Variants in CAMKMT observed in about 807,000 individuals in gnomAD.
CAMKMT encodes the protein calmodulin-lysine N-methyltransferase.
CAMKMT carries 53 observed loss-of-function variants against 48.0 expected under a neutral mutation model. That is an observed-to-expected ratio of 1.10 (90% CI 0.89 to 1.39). CAMKMT has a LOEUF of 1.39. Among genes scored for constraint, CAMKMT ranks in the 40% most tolerant of loss-of-function variants. The probability of loss-of-function intolerance (pLI) is 0.00; values close to 1 mark genes in which losing one functional copy is unlikely to be tolerated. For missense variants in CAMKMT, 428 were observed against 402.7 expected, an observed-to-expected ratio of 1.06 and a Z score of -0.54; for synonymous variants, 165 against 152.3, an observed-to-expected ratio of 1.08 and a Z score of -0.61.
chr2:44,692,245 C>G (rs917972258), intron 3 of CAMKMT, among the ~76,000 whole-genome samples: 2 of 151,520 alleles, frequency 1.3e-5, no homozygotes, highest in African/African-American at 4.9e-5. Flanking sequence ...AGCATCATTT[C>G]TGTTTTTAAT....
intron 3 of CAMKMT, among the ~76,000 whole-genome samples, chr2:44,500,784 C>T (rs1011946273): frequency 4.0e-5 from 6 of 150,898 alleles, no homozygotes; most frequent in African/African-American, 1.5e-4. Flanking sequence ...TGGATTCAAA[C>T]GATTCTCCTG....
At chr2:44,406,279 CT>C (rs535828943) in intron 3 of CAMKMT, among the ~76,000 whole-genome samples, 22 of 147,610 alleles carry the variant, frequency 1.5e-4, no homozygotes, top group South Asian at 2.1e-4. Flanking sequence ...TGCCTTAAGT[CT>C]TTTTTTTTTA....
intron 3 of CAMKMT, among the ~76,000 whole-genome samples, chr2:44,504,563 T>A (rs1235796395): frequency 6.6e-6 from 1 of 152,206 alleles, no homozygotes; most frequent in African/African-American, 2.4e-5. Context: ...TTCAATTTCC[T>A]ATGCCTCTTA....
chr2:44,572,471 A>G (rs1558712229), intron 3 of CAMKMT, among the ~76,000 whole-genome samples: 1 of 152,152 alleles, frequency 6.6e-6, no homozygotes, highest in African/African-American at 2.4e-5. Context: ...TTCCTTTTTG[A>G]GGCTGAATAT....
intron 3 of CAMKMT, among the ~76,000 whole-genome samples, chr2:44,569,693 T>C (rs1437353331): frequency 6.6e-6 from 1 of 152,218 alleles, no homozygotes; most frequent in East Asian, 1.9e-4. Flanking sequence ...CAAGGGAAGC[T>C]TGGGCCCTAG....
At chr2:44,526,767 G>A (rs1246882604) in intron 3 of CAMKMT, among the ~76,000 whole-genome samples, 1 of 151,962 alleles carries the variant, frequency 6.6e-6, no homozygotes, top group Non-Finnish European at 1.5e-5. Context: ...GGGTTCCCAG[G>A]CACACCCCAA....
chr2:44,736,408 A>C (rs1679358095), intron 7 of CAMKMT, among the ~76,000 whole-genome samples: 1 of 152,148 alleles, frequency 6.6e-6, no homozygotes, highest in Non-Finnish European at 1.5e-5. Context: ...TTGTTTTTAT[A>C]TAAAACATCT....
intron 3 of CAMKMT, among the ~76,000 whole-genome samples, chr2:44,540,101 A>G (rs1404403118): frequency 1.3e-5 from 2 of 151,932 alleles, no homozygotes; most frequent in African/African-American, 4.8e-5. Context: ...ACATTCATTA[A>G]TTGGCATTCT....
chr2:44,555,720 T>C (rs572824131), intron 3 of CAMKMT, among the ~76,000 whole-genome samples: 1 of 152,250 alleles, frequency 6.6e-6, no homozygotes, highest in African/African-American at 2.4e-5. Flanking sequence ...ACTGGGTATA[T>C]AGACTGAAAC....
chr2:44,420,069 A>G (rs1683830139), intron 3 of CAMKMT, among the ~76,000 whole-genome samples: 1 of 152,192 alleles, frequency 6.6e-6, no homozygotes, highest in Non-Finnish European at 1.5e-5. Flanking sequence ...AGAGGAAATT[A>G]CACAATTATT....
chr2:44,468,764 C>G (rs1365554143), intron 3 of CAMKMT, among the ~76,000 whole-genome samples: 2 of 151,990 alleles, frequency 1.3e-5, no homozygotes, highest in African/African-American at 4.8e-5. Flanking sequence ...ACAAAAATTA[C>G]AAAAATTATT....
chr2:44,581,072 G>T (rs17032381), intron 3 of CAMKMT, among the ~76,000 whole-genome samples: 4,224 of 152,072 alleles, frequency 0.028, 186 homozygotes, highest in African/African-American at 0.096. Context: ...GCTTGCTGTG[G>T]TTGTGGTTGA....
chr2:44,464,882 CAT>C (rs1417339574), intron 3 of CAMKMT, among the ~76,000 whole-genome samples: 3 of 152,030 alleles, frequency 2.0e-5, no homozygotes, highest in Admixed American at 6.5e-5. Context: ...AACACAAAAA[CAT>C]ATGAAAATGT....
chr2:44,459,303 A>G (rs530737189), intron 3 of CAMKMT, among the ~76,000 whole-genome samples: 3 of 152,300 alleles, frequency 2.0e-5, no homozygotes, highest in African/African-American at 7.2e-5. Flanking sequence ...GTATACCTCA[A>G]ATGCCTGATT....
At chr2:44,492,974 A>G (rs1191017017) in intron 3 of CAMKMT, among the ~76,000 whole-genome samples, 1 of 150,920 alleles carries the variant, frequency 6.6e-6, no homozygotes, top group Non-Finnish European at 1.5e-5. Context: ...GCTCACTGCA[A>G]CCTCCACCTC....
intron 3 of CAMKMT, among the ~76,000 whole-genome samples, chr2:44,489,972 C>G (rs1300747834): frequency 1.3e-5 from 2 of 151,896 alleles, no homozygotes; most frequent in East Asian, 3.9e-4. Flanking sequence ...CTTGCTGAAT[C>G]TAATGTATAT....
chr2:44,587,885 C>T (rs1290575446), intron 3 of CAMKMT, among the ~76,000 whole-genome samples: 2 of 121,466 alleles, frequency 1.6e-5, no homozygotes, highest in African/African-American at 6.1e-5. Context: ...ATTGCAGCCT[C>T]TGCCCGGCCG....
rs1212949278 is a variant in CAMKMT at position 44,417,491 on chromosome 2, G to C, written c.376+27186G>C. Among the ~76,000 whole-genome samples the C allele has an allele frequency of 2.6e-5, 4 of 152,222 alleles. 1 individual carries two copies. The highest frequency in any genetic ancestry group is 2.0e-4 in the Admixed American group (3 of 15,278). On this transcript the variant is annotated intron_variant, in intron 3 of 10. Transcript: ENST00000378494. ...TTCAGGTTGTTTCCGGTTTTGGGCT[G>C]TTTTGCATAAAACTAGTGTGAACAT...
At chr2:44,642,486 A>C (rs1673501813) in intron 3 of CAMKMT, among the ~76,000 whole-genome samples, 1 of 152,166 alleles carries the variant, frequency 6.6e-6, no homozygotes, top group Non-Finnish European at 1.5e-5. Context: ...TTTCATACAC[A>C]TTTATTGTAA....
Sources: gnomAD v4.1 joint callset for allele counts (sites outside exome capture counted in the v4.1 genomes callset) on GRCh38, gnomAD v4.1.1 for gene constraint, MANE v1.5 for transcripts, NCBI Gene and HGNC (gene_info 2026-07-23, HGNC 2026-07-21) for gene names.